The following GRIK3 variants were observed in gnomAD, a reference collection of about 807,000 sequenced individuals.
The protein encoded by GRIK3 is glutamate ionotropic receptor kainate type subunit 3, also known as glutamate receptor ionotropic, kainate 3.
Under a neutral mutation model 102.5 loss-of-function variants are expected in GRIK3, and 29 were observed. The ratio of observed to expected loss-of-function variants is 0.28; its 90% confidence interval spans 0.21 to 0.39. GRIK3 has a LOEUF of 0.39. Ranked by LOEUF, GRIK3 falls within the 10% of genes least tolerant of loss-of-function variation. The probability of loss-of-function intolerance (pLI) is 1.00; values close to 1 mark genes in which losing one functional copy is unlikely to be tolerated. For missense variants in GRIK3, 908 were observed against 1,252.4 expected (o/e 0.73, Z 4.15); for synonymous variants, 511 against 504.9 (o/e 1.01, Z -0.16).
At chr1:36,932,578 TC>T in intron 1 of GRIK3, among the ~76,000 whole-genome samples, 1 of 152,206 alleles carries the variant, frequency 6.6e-6, no homozygotes, top group Admixed American at 6.5e-5. Context: ...CAATGAAGGG[TC>T]CGCAGCCAAG....
rs1162171286 is a variant in GRIK3, at chr1:36,850,764, G to A, written c.1213-340C>T. ...TCAGGGCTGAGCAGATGCCAATCAG[G>A]GGCTGGAGGGAATCAGGGGTCTATG... On this transcript the variant is annotated intron_variant, in intron 8 of 15. Coordinates refer to ENST00000373091, the MANE Select transcript of GRIK3 (RefSeq NM_000831.4). This position sits in a 1 kb window ranked among gnomAD's most constrained non-coding sequence, Gnocchi z 4.0. 6.6e-6 allele frequency among the ~76,000 whole-genome samples: 1 copy of A among 152,214 alleles called. No individual in the cohort carries two copies. The highest frequency in any genetic ancestry group is 1.5e-5 in the Non-Finnish European group (1 of 68,052).
intron 2 of GRIK3, among the ~76,000 whole-genome samples, chr1:36,881,216 C>G (rs1184036519): frequency 2.6e-5 from 4 of 152,130 alleles, no homozygotes; most frequent in Non-Finnish European, 5.9e-5. Context: ...ATTAGCATCA[C>G]CATCTCTGTG....
chr1:36,817,860 G>A (rs1570741498), intron 12 of GRIK3, among the ~76,000 whole-genome samples: 2 of 152,080 alleles, frequency 1.3e-5, no homozygotes, highest in African/African-American at 4.8e-5. Flanking sequence ...AATTGCATTG[G>A]AAATACAAAT....
intron 11 of GRIK3, among the ~76,000 whole-genome samples, chr1:36,825,034 A>C (rs1642740519): frequency 6.6e-6 from 1 of 152,078 alleles, no homozygotes; most frequent in Non-Finnish European, 1.5e-5. Flanking sequence ...TCCTCCTACC[A>C]CCCACCAGCC....
intron 1 of GRIK3, among the ~76,000 whole-genome samples, chr1:36,994,803 T>C (rs765521053): frequency 8.5e-5 from 13 of 152,118 alleles, no homozygotes; most frequent in Admixed American, 2.0e-4. Flanking sequence ...AAAATAACAA[T>C]AATAAAAACG....
chr1:36,912,423 C>T (rs1641356234), intron 1 of GRIK3, among the ~76,000 whole-genome samples: 2 of 151,848 alleles, frequency 1.3e-5, no homozygotes, highest in Admixed American at 6.6e-5. Context: ...AGAACAGAAC[C>T]CCCCTCCTCC....
chr1:36,888,681 C>T (rs1641069870), intron 2 of GRIK3, among the ~76,000 whole-genome samples: 1 of 152,198 alleles, frequency 6.6e-6, no homozygotes, highest in South Asian at 2.1e-4. Context: ...GCTCAACAGA[C>T]TTCTCAAGTG....
At chr1:36,909,374 C>T (rs1641320709) in intron 1 of GRIK3, among the ~76,000 whole-genome samples, 1 of 151,504 alleles carries the variant, frequency 6.6e-6, no homozygotes, top group African/African-American at 2.4e-5. Context: ...TCTCGGTTCA[C>T]TGCAACCTCC....
chr1:36,928,303 G>C (rs1471532704), intron 1 of GRIK3, among the ~76,000 whole-genome samples: 1 of 152,216 alleles, frequency 6.6e-6, no homozygotes, highest in Non-Finnish European at 1.5e-5. Context: ...AACTCCTATA[G>C]CTGTGCTTTA....
intron 1 of GRIK3, among the ~76,000 whole-genome samples, chr1:36,925,073 G>A (rs4653232): frequency 6.6e-6 from 1 of 152,224 alleles, no homozygotes; most frequent in Non-Finnish European, 1.5e-5. Flanking sequence ...ATTATTCAGA[G>A]GATAACAAAT....
rs543636188 is a variant in GRIK3 at position 36,854,168 on chromosome 1, A to AC, written c.1105-447dup. Among the ~76,000 whole-genome samples, 6 of 151,974 alleles carry AC rather than the reference A, an allele frequency of 3.9e-5. No homozygotes were observed. The South Asian group carries it at 1.0e-3, about 26-fold the overall frequency. On this transcript the variant is annotated intron_variant, in intron 7 of 15. Transcript: ENST00000373091. ...CCGAAAGGCAGGGGAGACCGAAATC[A>AC]CCCCCCAACCTCCCAGCTCCAGCCC...
At chr1:36,998,369 A>G (rs1250758320) in intron 1 of GRIK3, among the ~76,000 whole-genome samples, 1 of 152,184 alleles carries the variant, frequency 6.6e-6, no homozygotes, top group Non-Finnish European at 1.5e-5. Context: ...GGGCCTGACC[A>G]TAGGGCTTGT....
At chr1:37,002,579 A>C (rs1355341287) in intron 1 of GRIK3, among the ~76,000 whole-genome samples, 1 of 152,166 alleles carries the variant, frequency 6.6e-6, no homozygotes, top group Non-Finnish European at 1.5e-5. Context: ...TCATGTCTTC[A>C]GGTGACATGG....
At chr1:36,966,892 A>G (rs1445330771) in intron 1 of GRIK3, among the ~76,000 whole-genome samples, 2 of 152,162 alleles carry the variant, frequency 1.3e-5, no homozygotes, top group Non-Finnish European at 2.9e-5. Flanking sequence ...CAAGTATATA[A>G]TAAGACCCAC....
At chr1:36,824,814 G>A (rs1462944222) in intron 11 of GRIK3, among the ~76,000 whole-genome samples, 1 of 152,126 alleles carries the variant, frequency 6.6e-6, no homozygotes, top group African/African-American at 2.4e-5. Context: ...ATAGATAAAA[G>A]GCTTGGTGAC....
At chr1:36,839,997 T>C (rs986945506) in intron 10 of GRIK3, among the ~76,000 whole-genome samples, 5 of 152,142 alleles carry the variant, frequency 3.3e-5, no homozygotes, top group African/African-American at 4.8e-5. Context: ...GTCATAACCT[T>C]TGGCTGATAC....
intron 5 of GRIK3, 35 bp downstream of exon 5, chr1:36,869,713 C>A (rs1359713973): frequency 6.0e-6 from 9 of 1,496,402 alleles, no homozygotes; most frequent in African/African-American, 2.8e-5. Context: ...GAGAGTCCCA[C>A]CCCTTTCCCG....
chr1:36,991,170 C>T (rs938676964), intron 1 of GRIK3, among the ~76,000 whole-genome samples: 24 of 152,218 alleles, frequency 1.6e-4, no homozygotes, highest in Admixed American at 1.5e-3. Flanking sequence ...AAACCAGGAA[C>T]ACTAAACCGC....
intron 13 of GRIK3, among the ~76,000 whole-genome samples, chr1:36,811,265 T>C (rs1160866295): frequency 6.6e-6 from 1 of 152,064 alleles, no homozygotes; most frequent in Non-Finnish European, 1.5e-5. Flanking sequence ...ATCTCTATAG[T>C]GCTGAGTTGC....
Sources: allele counts gnomAD v4.1 joint callset (sites outside exome capture counted in the v4.1 genomes callset), GRCh38; gene constraint gnomAD v4.1.1; non-coding constraint Gnocchi (gnomAD v3.1); transcripts MANE v1.5; gene names NCBI Gene and HGNC (gene_info 2026-07-23, HGNC 2026-07-21).